Variants in NFATC2 observed in about 807,000 individuals in gnomAD.
NFATC2 encodes nuclear factor of activated T cells 2.
NFATC2 carries 22 observed loss-of-function variants against 87.3 expected under a neutral mutation model. The observed-to-expected ratio is 0.25, with a 90% confidence interval of 0.18 to 0.36. The LOEUF is 0.36. NFATC2 is among the 10% of genes least tolerant of loss of function. The pLI, the probability that NFATC2 is intolerant of heterozygous loss-of-function variation, is 1.00. For synonymous variants in NFATC2, 565 were observed against 542.2 expected (o/e 1.04, Z -0.58); for missense variants, 1,149 against 1,259.1 (o/e 0.91, Z 1.32).
chr20:51,424,566 G>A (rs1981481411), intron 9 of NFATC2, among the ~76,000 whole-genome samples: 1 of 152,132 alleles, frequency 6.6e-6, no homozygotes, highest in African/African-American at 2.4e-5. Flanking sequence ...ACAAAAGAGG[G>A]CAGTGATGAG....
chr20:51,507,330 G>A (rs1370757617), intron 3 of NFATC2, among the ~76,000 whole-genome samples: 4 of 151,290 alleles, frequency 2.6e-5, no homozygotes, highest in Non-Finnish European at 4.4e-5. Context: ...AACAAACAGC[G>A]TGTAAATAAA....
intron 6 of NFATC2, among the ~76,000 whole-genome samples, chr20:51,442,708 T>G (rs1319580763): frequency 1.4e-4 from 4 of 28,756 alleles, no homozygotes; most frequent in Non-Finnish European, 2.3e-4. Context: ...ATAAAGTTTG[T>G]TTTTTTTTTT....
intron 3 of NFATC2, among the ~76,000 whole-genome samples, chr20:51,477,460 T>C (rs1988808669): frequency 6.7e-6 from 1 of 148,702 alleles, no homozygotes; most frequent in South Asian, 2.1e-4. Context: ...ATAGGAAGGA[T>C]AGATTCCTAG....
chr20:51,517,579 T>A (rs1464280904), intron 2 of NFATC2, among the ~76,000 whole-genome samples: 2 of 148,882 alleles, frequency 1.3e-5, no homozygotes, highest in African/African-American at 5.0e-5. Context: ...GGGACCAGAG[T>A]GAGACCCTGT....
At chr20:51,502,481 C>T (rs997477358) in intron 3 of NFATC2, among the ~76,000 whole-genome samples, 1 of 152,114 alleles carries the variant, frequency 6.6e-6, no homozygotes, top group Non-Finnish European at 1.5e-5. Flanking sequence ...TGTTCCACTG[C>T]GCCCAGCTAA....
chr20:51,549,065 G>T (rs2076911738), intron 1 of NFATC2, among the ~76,000 whole-genome samples: 1 of 152,120 alleles, frequency 6.6e-6, no homozygotes, highest in South Asian at 2.1e-4. Context: ...GACTGAGATG[G>T]AAGGATCGCT....
At chr20:51,399,777 C>T (rs1987792162) in intron 9 of NFATC2, among the ~76,000 whole-genome samples, 1 of 152,212 alleles carries the variant, frequency 6.6e-6, no homozygotes, top group African/African-American at 2.4e-5. Context: ...CACTAAACTG[C>T]CCAGTCTCCA....
At chr20:51,542,828 G>T, upstream of NFATC2, 1 of 682,300 alleles carries the variant, frequency 1.5e-6, no homozygotes, top group Non-Finnish European at 1.8e-6. Flanking sequence ...GACCGGAGGG[G>T]AGGGGCGCGC....
chr20:51,463,979 T>C (rs1987411022), intron 5 of NFATC2, among the ~76,000 whole-genome samples: 1 of 146,558 alleles, frequency 6.8e-6, no homozygotes, highest in African/African-American at 2.6e-5. Context: ...TCCTGGGCTC[T>C]CCAAAAAAAA....
At chr20:51,491,245 C>G (rs2075877601) in intron 3 of NFATC2, among the ~76,000 whole-genome samples, 1 of 151,598 alleles carries the variant, frequency 6.6e-6, no homozygotes, top group South Asian at 2.1e-4. Context: ...ATGGCCCTAT[C>G]TCTGAGTGAT....
At chr20:51,522,389 A>C (rs1433375588) in intron 2 of NFATC2, among the ~76,000 whole-genome samples, 1 of 152,162 alleles carries the variant, frequency 6.6e-6, no homozygotes, top group East Asian at 1.9e-4. Context: ...CTGATTAGCA[A>C]TGTCTTTCAC....
intron 3 of NFATC2, among the ~76,000 whole-genome samples, chr20:51,478,488 T>TA (rs1246634064): frequency 2.6e-5 from 4 of 152,136 alleles, no homozygotes; most frequent in African/African-American, 9.6e-5. Flanking sequence ...CACCTGGAGA[T>TA]AAAAATCTAT....
chr20:51,400,697 C>CACCGCCAAACA (rs1987936000), intron 9 of NFATC2, among the ~76,000 whole-genome samples: 1 of 152,196 alleles, frequency 6.6e-6, no homozygotes, highest in Non-Finnish European at 1.5e-5. Flanking sequence ...GGGACCAGGC[C>CACCGCCAAACA]ACCGCCAAAC....
intron 9 of NFATC2, among the ~76,000 whole-genome samples, chr20:51,424,829 G>T (rs1382448911): frequency 6.0e-5 from 9 of 151,040 alleles, no homozygotes; most frequent in Admixed American, 6.0e-4. Context: ...ATGTGTATTT[G>T]CATATGCTCG....
chr20:51,538,422 T>C (rs1472146733), intron 1 of NFATC2, among the ~76,000 whole-genome samples: 1 of 152,244 alleles, frequency 6.6e-6, no homozygotes, highest in African/African-American at 2.4e-5. Context: ...TTCCTTTACA[T>C]AATTCATACA....
rs930759516 is a variant in NFATC2, at chr20:51,388,085, G to T, written c.*3411C>A. ...GGTTATATCTATGCTGGAAAACTGT[G>T]GGTGTCCTTTGGATAAAGCATACAG... On this transcript the variant is annotated 3_prime_UTR_variant, in exon 11 of 11. Transcript: ENST00000371564. 1 of 152,066 alleles carries T rather than the reference G, an allele frequency of 6.6e-6. No homozygotes were observed. The highest frequency in any genetic ancestry group is 1.5e-5 in the Non-Finnish European group (1 of 68,020). The allele number at this position is 152,066 out of a possible 1,614,324, so 9.4% of individuals were successfully genotyped here.
At chr20:51,467,449 C>G (rs1461937199) in intron 5 of NFATC2, among the ~76,000 whole-genome samples, 2 of 151,962 alleles carry the variant, frequency 1.3e-5, no homozygotes, top group African/African-American at 2.4e-5. Flanking sequence ...CCCAGCTACT[C>G]CAGAGGCTGA....
chr20:51,417,211 G>T (rs1002812087), intron 9 of NFATC2, among the ~76,000 whole-genome samples: 3 of 152,080 alleles, frequency 2.0e-5, no homozygotes, highest in African/African-American at 7.2e-5. Flanking sequence ...CGCCCAGTAA[G>T]GGGGAGGGAT....
At chr20:51,413,404 G>A (rs1979571466) in intron 9 of NFATC2, among the ~76,000 whole-genome samples, 1 of 152,114 alleles carries the variant, frequency 6.6e-6, no homozygotes, top group Non-Finnish European at 1.5e-5. Context: ...GTTAGCAGAT[G>A]CTAGAGGTTT....
Sources: gnomAD v4.1 joint callset for allele counts (sites outside exome capture counted in the v4.1 genomes callset) on GRCh38, gnomAD v4.1.1 for gene constraint, MANE v1.5 for transcripts, NCBI Gene and HGNC (gene_info 2026-07-23, HGNC 2026-07-21) for gene names.